The following TBC1D12 variants were observed in gnomAD, a reference collection of about 807,000 sequenced individuals.
TBC1D12 encodes TBC1 domain family member 12.
In TBC1D12, 56 loss-of-function variants were observed where a neutral mutation model predicts 86.7. That is an observed-to-expected ratio of 0.65 (90% CI 0.52 to 0.81). The LOEUF is 0.81. Among genes scored for constraint, TBC1D12 ranks in the 30% least tolerant of loss-of-function variants. The pLI, the probability that TBC1D12 is intolerant of heterozygous loss-of-function variation, is 0.00. For synonymous variants in TBC1D12, 421 were observed against 411.7 expected (o/e 1.02, Z -0.27); for missense variants, 1,023 against 1,038.8 (o/e 0.98, Z 0.21).
intron 1 of TBC1D12, among the ~76,000 whole-genome samples, chr10:94,419,620 G>T (rs953932045): frequency 1.3e-5 from 2 of 152,100 alleles, no homozygotes; most frequent in African/African-American, 4.8e-5. Flanking sequence ...AGTGAGCCGA[G>T]ATTGCGCCAC....
intron 11 of TBC1D12, 66 bp from the exon 12 acceptor site, chr10:94,531,136 A>C (rs1004619515): frequency 6.6e-7 from 1 of 1,521,136 alleles, no homozygotes. Flanking sequence ...TTTTATAGAG[A>C]TGCTTACTGA....
chr10:94,460,706 C>CT (rs896436378), intron 2 of TBC1D12, among the ~76,000 whole-genome samples: 5 of 151,890 alleles, frequency 3.3e-5, no homozygotes, highest in Admixed American at 2.6e-4. Flanking sequence ...CTCTCTGTCT[C>CT]TCTTTTCCTC....
In TBC1D12 at chr10:94,427,688, C is replaced by T. The variant is rs1274464866; in HGVS notation, c.972-14208C>T. Among the ~76,000 whole-genome samples the T allele has an allele frequency of 2.6e-5, 4 of 151,534 alleles. No homozygotes were observed. In the East Asian group the frequency reaches 5.8e-4, roughly 22 times the overall value. ...CTCCAATAAAAATACAAAAATTAGCCGGGTGTGGTGGTGCATGCCTGTAAT... is the reference window on the plus strand; with the variant it reads ...CTCCAATAAAAATACAAAAATTAGCTGGGTGTGGTGGTGCATGCCTGTAAT... On this transcript the variant is annotated intron_variant, in intron 1 of 12. Coordinates refer to ENST00000225235, the MANE Select transcript of TBC1D12 (RefSeq NM_015188.2).
chr10:94,425,163 A>G (rs528873470), intron 1 of TBC1D12, among the ~76,000 whole-genome samples: 1 of 152,236 alleles, frequency 6.6e-6, no homozygotes, highest in Admixed American at 6.5e-5. Flanking sequence ...TCCATCTTCA[A>G]GTTCATTTCC....
chr10:94,511,820 C>G (rs1330732084), intron 9 of TBC1D12, among the ~76,000 whole-genome samples, 166 bp downstream of exon 9: 1 of 152,202 alleles, frequency 6.6e-6, no homozygotes, highest in South Asian at 2.1e-4. Context: ...TTGCCAAGAG[C>G]TTATATGTAC....
chr10:94,463,757 G>A (rs1004468762), intron 2 of TBC1D12, among the ~76,000 whole-genome samples: 7 of 152,200 alleles, frequency 4.6e-5, no homozygotes, highest in African/African-American at 1.4e-4. Context: ...AGAGCAGTGT[G>A]TATTTTGCAG....
At chr10:94,469,932 T>A (rs1003566926) in intron 2 of TBC1D12, among the ~76,000 whole-genome samples, 4 of 152,184 alleles carry the variant, frequency 2.6e-5, no homozygotes, top group African/African-American at 9.7e-5. Context: ...TTGTTCCCCC[T>A]TTGTCAGGGA....
At chr10:94,418,967 T>G (rs1050406117) in intron 1 of TBC1D12, among the ~76,000 whole-genome samples, 1 of 147,242 alleles carries the variant, frequency 6.8e-6, no homozygotes, top group African/African-American at 2.5e-5. Context: ...ATCCACCTCC[T>G]TGGTTCAAGT....
At chr10:94,457,051 G>A (rs1046758757) in intron 2 of TBC1D12, among the ~76,000 whole-genome samples, 4 of 152,136 alleles carry the variant, frequency 2.6e-5, no homozygotes, top group Non-Finnish European at 5.9e-5. Context: ...ATCTATATGT[G>A]CCTTTATACT....
chr10:94,404,280 C>T (rs1158947349), intron 1 of TBC1D12, among the ~76,000 whole-genome samples: 3 of 152,118 alleles, frequency 2.0e-5, no homozygotes, highest in Non-Finnish European at 4.4e-5. Context: ...TAAGCCTCTC[C>T]TTTTTTTCCC....
chr10:94,437,889 T>A (rs2055325307), intron 1 of TBC1D12, among the ~76,000 whole-genome samples: 1 of 151,892 alleles, frequency 6.6e-6, no homozygotes, highest in Non-Finnish European at 1.5e-5. Flanking sequence ...ATTTCTGCCT[T>A]TACTGGTATT....
intron 4 of TBC1D12, among the ~76,000 whole-genome samples, chr10:94,494,389 G>A: frequency 6.6e-6 from 1 of 151,978 alleles, no homozygotes; most frequent in Non-Finnish European, 1.5e-5. Context: ...GTGCTATTTT[G>A]GAATTGAAGT....
At position 94,403,202 on chromosome 10, in the gene TBC1D12, G is replaced by C; in HGVS notation, c.589G>C (p.Asp197His). 1 of 1,501,608 alleles carries C rather than the reference G, an allele frequency of 6.7e-7. No individual in the cohort carries two copies. The highest frequency in any genetic ancestry group is 2.9e-5 in the East Asian group (1 of 34,630). The allele number at this position is 1,501,608 out of a possible 1,614,324, so 93.0% of individuals were successfully genotyped here. A position where few individuals can be genotyped will look rare whatever the true frequency, so the allele number is the denominator to read the frequency against. Residue 197 changes from aspartate to histidine, a missense_variant, in exon 1 of 13, where the codon GAC becomes CAC. Around this residue, in one of 2 missense-constraint regions of TBC1D12, gnomAD observed 628 missense variants for 531.1 expected, o/e 1.18. Transcript: ENST00000225235. ...SPSDWASPLE[D>H]PLRSCCLVAA... is the part of the protein sequence containing the mutation. ...GTCCGATTGGGCCTCTCCGCTTGAGGACCCGCTGCGGAGCTGCTGCCTGGT... is the reference window on the plus strand; with the variant it reads ...GTCCGATTGGGCCTCTCCGCTTGAGCACCCGCTGCGGAGCTGCTGCCTGGT...
At chr10:94,494,754 G>A (rs916917771) in intron 4 of TBC1D12, among the ~76,000 whole-genome samples, 1 of 152,122 alleles carries the variant, frequency 6.6e-6, no homozygotes, top group African/African-American at 2.4e-5. Flanking sequence ...ATATAGGCCA[G>A]GCTAGTCTTA....
In TBC1D12 at chr10:94,473,655, A is replaced by G. The variant is rs1044347529; in HGVS notation, c.1096-1013A>G. 3.9e-5 allele frequency among the ~76,000 whole-genome samples: 6 copies of G among 152,318 alleles called. No homozygotes were observed. In the East Asian group the frequency reaches 1.2e-3, roughly 29 times the overall value. ...ATCATTGAGTAATATTTGAGAATGT[A>G]ATGAAAAATATAACTAGTGCCTGGA... is the stretch of plus-strand genomic sequence containing the variant. On this transcript the variant is annotated intron_variant, in intron 2 of 12. Transcript: ENST00000225235.
chr10:94,511,228 G>C (rs1365584780), intron 8 of TBC1D12, among the ~76,000 whole-genome samples: 1 of 150,826 alleles, frequency 6.6e-6, no homozygotes, highest in African/African-American at 2.4e-5. Flanking sequence ...CACCCGAGTA[G>C]CTGGAATTAC....
At chr10:94,459,051 AC>A (rs2055677610) in intron 2 of TBC1D12, among the ~76,000 whole-genome samples, 1 of 140,480 alleles carries the variant, frequency 7.1e-6, no homozygotes, top group Non-Finnish European at 1.5e-5. Flanking sequence ...CCCGCAGCCT[AC>A]TGATTGGTCC....
At chr10:94,498,991 G>A (rs749808487) in intron 5 of TBC1D12, among the ~76,000 whole-genome samples, 1 of 151,866 alleles carries the variant, frequency 6.6e-6, no homozygotes, top group Non-Finnish European at 1.5e-5. Flanking sequence ...GGCTGGTCTC[G>A]AACTTTTGGG....
At chr10:94,471,519 C>T (rs2055905904) in intron 2 of TBC1D12, among the ~76,000 whole-genome samples, 1 of 152,132 alleles carries the variant, frequency 6.6e-6, no homozygotes. Context: ...AATCTTATTT[C>T]TCATCATTTT....
Sources: allele counts gnomAD v4.1 joint callset (sites outside exome capture counted in the v4.1 genomes callset), GRCh38; gene constraint gnomAD v4.1.1; regional missense constraint gnomAD v4.1.1; transcripts MANE v1.5; gene names NCBI Gene and HGNC (gene_info 2026-07-23, HGNC 2026-07-21).